Variants in MEGF11 observed in about 807,000 individuals in gnomAD.
The protein encoded by MEGF11 is multiple epidermal growth factor-like domains protein 11.
MEGF11 carries 126 observed loss-of-function variants against 146.6 expected under a neutral mutation model. That is an observed-to-expected ratio of 0.86 (90% CI 0.74 to 1.00). The LOEUF (loss-of-function observed/expected upper bound fraction) is 1.00, where lower values mean the gene tolerates loss of function less well. Ranked by LOEUF, MEGF11 falls within the 50% of genes least tolerant of loss-of-function variation. MEGF11 has a pLI of 0.00. For synonymous variants in MEGF11, 532 were observed against 583.4 expected (o/e 0.91, Z 1.27); for missense variants, 1,509 against 1,521.2 (o/e 0.99, Z 0.13).
At chr15:66,096,919 A>G (rs1259400393) in intron 4 of MEGF11, among the ~76,000 whole-genome samples, 1 of 152,146 alleles carries the variant, frequency 6.6e-6, no homozygotes, top group Non-Finnish European at 1.5e-5. Context: ...CAGTCTGCAG[A>G]ACACCGCCCC....
intron 5 of MEGF11, among the ~76,000 whole-genome samples, chr15:66,016,369 A>G (rs986166160): frequency 2.1e-5 from 3 of 146,314 alleles, no homozygotes; most frequent in African/African-American, 4.9e-5. Context: ...ACATGGTTCA[A>G]TGAATTTTAT....
At chr15:65,930,601 T>G (rs2079542842) in intron 11 of MEGF11, among the ~76,000 whole-genome samples, 1 of 152,228 alleles carries the variant, frequency 6.6e-6, no homozygotes, top group Non-Finnish European at 1.5e-5. Flanking sequence ...GTGTGCTGTT[T>G]AGCTCTTCAA....
chr15:66,252,219 C>A (rs2092381717), intron 1 of MEGF11, among the ~76,000 whole-genome samples: 1 of 137,646 alleles, frequency 7.3e-6, no homozygotes, highest in Non-Finnish European at 1.6e-5. Context: ...CGAGCCGCAC[C>A]CCCCGCCCCC....
intron 1 of MEGF11, among the ~76,000 whole-genome samples, chr15:66,235,232 G>A (rs941440050): frequency 1.3e-5 from 2 of 152,312 alleles, no homozygotes; most frequent in Admixed American, 1.3e-4. Context: ...GCAGGGCAAG[G>A]TGGCTTATGC....
At position 66,044,021 on chromosome 15, in the gene MEGF11, C is replaced by T. The variant is rs115629341; in HGVS notation, c.394+50381G>A. 6.7e-4 allele frequency among the ~76,000 whole-genome samples: 102 copies of T among 152,260 alleles called. 1 individual carries two copies. The highest frequency in any genetic ancestry group is 2.2e-3 in the African/African-American group (93 of 41,554). On this transcript the variant is annotated intron_variant, in intron 5 of 25. Coordinates refer to ENST00000395614, the MANE Select transcript of MEGF11 (RefSeq NM_001385028.1). ...AAAAACTGAAAAGATGCAAGGGGTG[C>T]TTGGTGTAGTGGGTGGTGTATGGAG... is the stretch of plus-strand genomic sequence containing the variant.
intron 9 of MEGF11, among the ~76,000 whole-genome samples, chr15:65,963,736 G>A (rs2080954591): frequency 2.0e-5 from 3 of 152,216 alleles, no homozygotes; most frequent in Admixed American, 2.0e-4. Context: ...TCTCTGGACA[G>A]TCTCTTTCCC....
Position 65,919,662 on chromosome 15 carries a change from G to C in MEGF11, c.1958-1568C>G, listed in dbSNP as rs377244612. Among the ~76,000 whole-genome samples the C allele has an allele frequency of 7.9e-5, 12 of 152,266 alleles. No individual in the cohort carries two copies. In the South Asian group the frequency reaches 2.5e-3, roughly 32 times the overall value. On this transcript the variant is annotated intron_variant, in intron 15 of 25. Transcript: ENST00000395614. The stretch of plus-strand genomic sequence containing the variant: ...TTTTTTTGTTTCGAGACAGAGTCTC[G>C]CTACGTTGCCCAGGCCGGAGTGCAG...
chr15:66,227,707 A>C (rs935432627), intron 1 of MEGF11, among the ~76,000 whole-genome samples: 5 of 152,224 alleles, frequency 3.3e-5, no homozygotes, highest in Admixed American at 6.5e-5. Flanking sequence ...TCCCCAGTTC[A>C]AGCCATGGAA....
rs543123478 is a variant in MEGF11 at position 65,929,687 on chromosome 15, G to A, written c.1572+33C>T. 1.6e-5 allele frequency: 24 copies of A among 1,541,014 alleles called. No homozygotes were observed. The African/African-American group carries it at 2.3e-4, about 15-fold the overall frequency. ...GGGAAAGGGCGTGAGGGGATGCGGA[G>A]CCCAACCTGTCCCTCCCCACCCTGG... On this transcript the variant is annotated intron_variant, in intron 12 of 25. Coordinates refer to ENST00000395614, the MANE Select transcript of MEGF11 (RefSeq NM_001385028.1).
intron 10 of MEGF11, among the ~76,000 whole-genome samples, chr15:65,950,576 GACACACAGACAC>G (rs2080363642): frequency 1.2e-5 from 1 of 80,998 alleles, no homozygotes. Flanking sequence ...GTGAGGCTTA[GACACACAGACAC>G]ACACACACAC....
intron 5 of MEGF11, among the ~76,000 whole-genome samples, chr15:66,039,468 A>G (rs1753942890): frequency 6.6e-6 from 1 of 152,224 alleles, no homozygotes; most frequent in African/African-American, 2.4e-5. Context: ...CTGAGCACTG[A>G]GTTAGACCTT....
At chr15:66,094,621 G>A in intron 4 of MEGF11, 127 bp from the exon 5 acceptor site, 1 of 720,890 alleles carries the variant, frequency 1.4e-6, no homozygotes, top group South Asian at 2.0e-5. Context: ...CGCATGACTG[G>A]CTTGGGGGGG....
chr15:66,217,660 G>C (rs574857879), intron 1 of MEGF11, among the ~76,000 whole-genome samples: 24 of 152,320 alleles, frequency 1.6e-4, no homozygotes, highest in Admixed American at 3.3e-4. Flanking sequence ...TGATGTTGTG[G>C]GTACCACAGA....
chr15:66,033,305 G>A (rs2083603014), intron 5 of MEGF11, among the ~76,000 whole-genome samples: 1 of 152,098 alleles, frequency 6.6e-6, no homozygotes, highest in Admixed American at 6.5e-5. Flanking sequence ...CCCATAACAG[G>A]CCCCGAGCTC....
At chr15:66,068,562 C>G (rs2085236288) in intron 5 of MEGF11, among the ~76,000 whole-genome samples, 2 of 152,172 alleles carry the variant, frequency 1.3e-5, no homozygotes, top group Non-Finnish European at 2.9e-5. Flanking sequence ...TGCCTGAAAT[C>G]ACAAAGCAAG....
rs71139449 is a variant in MEGF11, at chr15:65,935,322, GAAAAAAAAAAAAAAAAAAAAAAA to G, written c.1288-4402_1288-4380del. ...GTGACAGAGCGAGACTCCGTCTCAA[GAAAAAAAAAAAAAAAAAAAAAAA>G]AAAAAAAAAAAAAAAAAGGCAAAAC... On this transcript the variant is annotated intron_variant, in intron 10 of 25. Coordinates refer to ENST00000395614, the MANE Select transcript of MEGF11 (RefSeq NM_001385028.1). Among the ~76,000 whole-genome samples the G allele has an allele frequency of 3.2e-3, 114 of 35,208 alleles. 1 individual carries two copies. Among genetic ancestry groups the G allele is most frequent in the Admixed American group, 0.012 (31 of 2,558 alleles). The allele number at this position is 35,208 out of a possible 152,430, so 23.1% of individuals were successfully genotyped here.
At chr15:66,033,385 C>T (rs1182649765) in intron 5 of MEGF11, among the ~76,000 whole-genome samples, 1 of 152,228 alleles carries the variant, frequency 6.6e-6, no homozygotes, top group Non-Finnish European at 1.5e-5. Flanking sequence ...CCAGAGCCAA[C>T]TAGGGTCTCT....
At chr15:66,236,241 G>A (rs541804884) in intron 1 of MEGF11, among the ~76,000 whole-genome samples, 63 of 152,302 alleles carry the variant, frequency 4.1e-4, no homozygotes, top group Admixed American at 3.9e-4. Context: ...TGCTACCCAA[G>A]CATCAAGTGC....
At chr15:66,204,231 G>A (rs1180673118) in intron 1 of MEGF11, among the ~76,000 whole-genome samples, 3 of 151,934 alleles carry the variant, frequency 2.0e-5, no homozygotes, top group Non-Finnish European at 2.9e-5. Context: ...GTGAAACCCC[G>A]TCTCTACAAA....
Sources: allele counts gnomAD v4.1 joint callset (sites outside exome capture counted in the v4.1 genomes callset), GRCh38; gene constraint gnomAD v4.1.1; transcripts MANE v1.5; gene names NCBI Gene and HGNC (gene_info 2026-07-23, HGNC 2026-07-21).